Variants in NRG3 observed in about 807,000 individuals in gnomAD.
NRG3 encodes the protein pro-neuregulin-3, membrane-bound isoform.
In NRG3, 31 loss-of-function variants were observed where a neutral mutation model predicts 66.9. The observed-to-expected ratio is 0.46, with a 90% CI of 0.35 to 0.63. NRG3 has a LOEUF of 0.63. Among genes scored for constraint, NRG3 ranks in the 20% least tolerant of loss-of-function variants. The pLI is 0.00. For synonymous variants in NRG3, 393 were observed against 359.4 expected, an observed-to-expected ratio of 1.09 and a Z score of -1.06; for missense variants, 910 against 878.9, an observed-to-expected ratio of 1.04 and a Z score of -0.45.
chr10:82,642,621 A>G (rs1451412574), intron 2 of NRG3, among the ~76,000 whole-genome samples: 1 of 151,882 alleles, frequency 6.6e-6, no homozygotes, highest in Non-Finnish European at 1.5e-5. Context: ...GAAAAAAAAA[A>G]CCCTGGTTCT....
rs773804649 is a variant in NRG3 at position 81,876,001 on chromosome 10, A to G, written c.661A>G (p.Met221Val). Residue 221 changes from methionine (M) to valine (V), a missense_variant, in exon 1 of 9, where the codon ATG (methionine) becomes GTG (valine). Coordinates refer to ENST00000372141, the MANE Select transcript of NRG3 (RefSeq NM_001010848.4). ...PVPGTPSTQA[M>V]PSWPTAAYAT... is the part of the protein sequence containing the mutation. Reference sequence around the variant, plus strand: ...GCCAGGAACTCCAAGTACCCAGGCAATGCCCTCCTGGCCTACTGCGGCATA... The same window carrying G: ...GCCAGGAACTCCAAGTACCCAGGCAGTGCCCTCCTGGCCTACTGCGGCATA... 3.8e-5 allele frequency: 61 copies of G among 1,613,920 alleles called. No homozygotes were observed. The highest frequency in any genetic ancestry group is 4.7e-5 in the Non-Finnish European group (55 of 1,180,016).
intron 2 of NRG3, among the ~76,000 whole-genome samples, chr10:82,609,354 G>T (rs922552110): frequency 6.6e-6 from 1 of 152,064 alleles, no homozygotes; most frequent in African/African-American, 2.4e-5. Flanking sequence ...GCACTGATTT[G>T]GTATGTAGCT....
Position 82,264,769 on chromosome 10 carries a change from A to G in NRG3, c.824-93970A>G, listed in dbSNP as rs116476269. Among the ~76,000 whole-genome samples the G allele has an allele frequency of 2.5e-3, 385 of 152,306 alleles. 2 individuals carry two copies. The highest frequency in any genetic ancestry group is 8.5e-3 in the African/African-American group (353 of 41,576). On this transcript the variant is annotated intron_variant, in intron 1 of 8. Coordinates refer to ENST00000372141, the MANE Select transcript of NRG3 (RefSeq NM_001010848.4). Reference sequence around the variant, plus strand: ...AAATATTTCAAGAATGGAGGGATCAATCATGACAAGTGCCACTGAGAGGTC... The same window carrying G: ...AAATATTTCAAGAATGGAGGGATCAGTCATGACAAGTGCCACTGAGAGGTC...
At chr10:82,112,209 C>T (rs1243466535) in intron 1 of NRG3, among the ~76,000 whole-genome samples, 1 of 152,174 alleles carries the variant, frequency 6.6e-6, no homozygotes, top group Non-Finnish European at 1.5e-5. Flanking sequence ...CATCACTACA[C>T]TCCAGCTTGG....
At chr10:82,582,607 G>A (rs2046418296) in intron 2 of NRG3, among the ~76,000 whole-genome samples, 1 of 151,766 alleles carries the variant, frequency 6.6e-6, no homozygotes. Context: ...ACATATATCT[G>A]CATCTGGACA....
intron 1 of NRG3, among the ~76,000 whole-genome samples, chr10:81,933,273 C>T (rs1847562760): frequency 6.6e-6 from 1 of 152,106 alleles, no homozygotes; most frequent in Non-Finnish European, 1.5e-5. Flanking sequence ...TAGAATCCTT[C>T]AGATCCACGA....
chr10:81,965,869 T>C (rs1333068958), intron 1 of NRG3, among the ~76,000 whole-genome samples: 1 of 152,178 alleles, frequency 6.6e-6, no homozygotes, highest in Non-Finnish European at 1.5e-5. Flanking sequence ...TCCTAACTCT[T>C]ATTTCTTATT....
chr10:82,044,556 G>T (rs569416967), intron 1 of NRG3, among the ~76,000 whole-genome samples: 1 of 151,808 alleles, frequency 6.6e-6, no homozygotes, highest in South Asian at 2.1e-4. Flanking sequence ...ACATCATAAC[G>T]AAATAATTTT....
At chr10:82,969,012 G>A (rs1851479349) in intron 6 of NRG3, among the ~76,000 whole-genome samples, 1 of 152,128 alleles carries the variant, frequency 6.6e-6, no homozygotes, top group African/African-American at 2.4e-5. Flanking sequence ...ACTACCATGA[G>A]AACAGTATGG....
At chr10:82,362,516 G>A (rs2084225391) in intron 2 of NRG3, among the ~76,000 whole-genome samples, 2 of 144,684 alleles carry the variant, frequency 1.4e-5, no homozygotes, top group African/African-American at 5.2e-5. Flanking sequence ...TGGGACTACA[G>A]GTGCTCACCA....
intron 1 of NRG3, among the ~76,000 whole-genome samples, chr10:82,013,907 T>C (rs927092618): frequency 2.0e-5 from 3 of 152,214 alleles, no homozygotes; most frequent in African/African-American, 4.8e-5. Context: ...TGAAATGTTA[T>C]ATAAATTAAC....
At chr10:82,641,870 T>G (rs1055961688) in intron 2 of NRG3, among the ~76,000 whole-genome samples, 5 of 152,330 alleles carry the variant, frequency 3.3e-5, no homozygotes, top group Admixed American at 1.3e-4. Context: ...ATGTGGTAAG[T>G]GTAATTTTGT....
At chr10:82,430,251 G>GT (rs925527355) in intron 2 of NRG3, among the ~76,000 whole-genome samples, 3 of 151,518 alleles carry the variant, frequency 2.0e-5, no homozygotes, top group African/African-American at 4.8e-5. Flanking sequence ...TTGAGTACCA[G>GT]TTTTTTTGTT....
chr10:82,921,115 T>C (rs1435791241), intron 4 of NRG3, among the ~76,000 whole-genome samples: 1 of 151,868 alleles, frequency 6.6e-6, no homozygotes, highest in Non-Finnish European at 1.5e-5. Flanking sequence ...TCAAGTAAGG[T>C]GATCAAGGTT....
intron 2 of NRG3, among the ~76,000 whole-genome samples, chr10:82,664,392 C>G (rs2052601788): frequency 6.6e-6 from 1 of 152,096 alleles, no homozygotes; most frequent in Non-Finnish European, 1.5e-5. Flanking sequence ...ACTTCCGAGA[C>G]TGTTTTCATC....
chr10:82,511,960 T>C (rs1005225498), intron 2 of NRG3, among the ~76,000 whole-genome samples: 7 of 152,168 alleles, frequency 4.6e-5, no homozygotes, highest in Non-Finnish European at 8.8e-5. Flanking sequence ...AGAAACTGTA[T>C]TGTTCTTTTT....
At chr10:81,900,535 C>G (rs1358170138) in intron 1 of NRG3, among the ~76,000 whole-genome samples, 2 of 152,212 alleles carry the variant, frequency 1.3e-5, no homozygotes, top group Non-Finnish European at 2.9e-5. Flanking sequence ...AGCAAGGCTA[C>G]TGCTAATGAC....
chr10:82,188,468 A>G (rs1463368001), intron 1 of NRG3, among the ~76,000 whole-genome samples: 1 of 152,176 alleles, frequency 6.6e-6, no homozygotes, highest in Non-Finnish European at 1.5e-5. Flanking sequence ...CACAAATTGA[A>G]AAGCTACTGC....
At chr10:82,165,780 T>C (rs886702062) in intron 1 of NRG3, among the ~76,000 whole-genome samples, 4 of 152,002 alleles carry the variant, frequency 2.6e-5, no homozygotes, top group African/African-American at 9.6e-5. Flanking sequence ...TAAAATATTC[T>C]AAAGGAAAAT....
Sources: gnomAD v4.1 joint callset for allele counts (sites outside exome capture counted in the v4.1 genomes callset) on GRCh38, gnomAD v4.1.1 for gene constraint, MANE v1.5 for transcripts, NCBI Gene and HGNC (gene_info 2026-07-23, HGNC 2026-07-21) for gene names.